The following XCR1 variants were observed in gnomAD, a reference collection of about 807,000 sequenced individuals.
XCR1 encodes X-C motif chemokine receptor 1, also known as chemokine XC receptor 1.
For synonymous variants in XCR1, 187 were observed against 188.5 expected (o/e 0.99, Z 0.06); for missense variants, 356 against 424.2 (o/e 0.84, Z 1.41).
chr3:46,023,324 T>C (rs1198671598), intron 1 of XCR1: 1 of 1,083,192 alleles, frequency 9.2e-7, no homozygotes, highest in Non-Finnish European at 1.4e-6. Context: ...CCCCTCAACC[T>C]GGCTCATCAG....
At chr3:46,057,226 T>C (rs1697869420) in intron 4 of XCR1, among the ~76,000 whole-genome samples, 1 of 152,192 alleles carries the variant, frequency 6.6e-6, no homozygotes, top group Non-Finnish European at 1.5e-5. Context: ...GCTAGCCAAG[T>C]AGCTGGGACC....
chr3:46,028,765 A>AT (rs992705297), upstream of XCR1, among the ~76,000 whole-genome samples: 1 of 151,766 alleles, frequency 6.6e-6, no homozygotes, highest in Non-Finnish European at 1.5e-5. Flanking sequence ...AATTATTTTA[A>AT]TTTTTTTGTA....
intron 5 of XCR1, among the ~76,000 whole-genome samples, chr3:46,036,384 G>T (rs562601662): frequency 6.6e-6 from 1 of 152,330 alleles, no homozygotes; most frequent in East Asian, 1.9e-4. Context: ...GTGTAACCAC[G>T]TAAACCAATG....
chr3:46,073,644 C>A (rs1057267337), intron 3 of XCR1, among the ~76,000 whole-genome samples: 1 of 152,010 alleles, frequency 6.6e-6, no homozygotes, highest in Non-Finnish European at 1.5e-5. Flanking sequence ...AGAGAGCCTG[C>A]AGAATGGGAG....
chr3:46,023,764 G>A (rs775560541), intron 1 of XCR1: 210 of 1,546,618 alleles, frequency 1.4e-4, no homozygotes, highest in Non-Finnish European at 1.9e-4. Context: ...GCCATGTATT[G>A]GAAGCAAAGC....
chr3:46,084,127 C>T (rs1480713167), intron 1 of XCR1, among the ~76,000 whole-genome samples: 1 of 152,110 alleles, frequency 6.6e-6, no homozygotes, highest in African/African-American at 2.4e-5. Context: ...CTCACTTTTG[C>T]CATTCTGTAT....
intron 5 of XCR1, among the ~76,000 whole-genome samples, chr3:46,038,634 C>T (rs1291156416): frequency 6.6e-6 from 1 of 152,106 alleles, no homozygotes; most frequent in South Asian, 2.1e-4. Context: ...TAAACACCAG[C>T]CATTTAACAT....
intron 5 of XCR1, among the ~76,000 whole-genome samples, chr3:46,043,447 C>A (rs1697569989): frequency 1.3e-5 from 2 of 151,956 alleles, no homozygotes; most frequent in Admixed American, 1.3e-4. Context: ...TCTCAAAAAA[C>A]CAAACCAAAC....
At chr3:46,061,051 A>G (rs898338172) in intron 4 of XCR1, among the ~76,000 whole-genome samples, 1 of 152,240 alleles carries the variant, frequency 6.6e-6, no homozygotes, top group Non-Finnish European at 1.5e-5. Context: ...CACAGATGGT[A>G]TTATTACTAT....
At position 46,021,032 on chromosome 3, in the gene XCR1, A is replaced by G. The variant is rs759114975; in HGVS notation, c.916T>C (p.Trp306Arg). The G allele has an allele frequency of 1.2e-6, 2 of 1,613,978 alleles. No homozygotes were observed. The highest frequency in any genetic ancestry group is 1.7e-6 in the Non-Finnish European group (2 of 1,179,890). ...CTGGGTGCCTGCAGCCGGCAGAACC[A>G]GAACTGCCGGAGAACATGTTTCAGG... ...THLKHVLRQF[W>R]FCRLQAPSPA... The change falls in exon 2 of 2, where the codon TGG becomes CGG. Residue 306 changes from tryptophan (W) to arginine (R), a missense_variant. Coordinates refer to ENST00000309285, the MANE Select transcript of XCR1 (RefSeq NM_001024644.2). This position sits in a 1 kb window ranked among gnomAD's most constrained non-coding sequence, Gnocchi z 4.7.
chr3:46,084,170 A>T (rs1235998613), intron 1 of XCR1, among the ~76,000 whole-genome samples: 2 of 152,118 alleles, frequency 1.3e-5, no homozygotes, highest in East Asian at 3.9e-4. Context: ...GGTGCTCTTA[A>T]AATTCCTCAC....
intron 1 of XCR1, among the ~76,000 whole-genome samples, chr3:46,024,991 A>G (rs1334718807): frequency 1.3e-5 from 2 of 151,854 alleles, no homozygotes; most frequent in Admixed American, 1.3e-4. Context: ...TGCATTGATA[A>G]TAATGAAAAT....
upstream of XCR1, among the ~76,000 whole-genome samples, chr3:46,032,123 A>T (rs1708406647): frequency 6.6e-6 from 1 of 152,242 alleles, no homozygotes; most frequent in Non-Finnish European, 1.5e-5. Flanking sequence ...GACCCACCAA[A>T]TGGTGACGCT....
intron 1 of XCR1, among the ~76,000 whole-genome samples, chr3:46,026,422 T>C (rs899568420): frequency 2.0e-5 from 3 of 152,106 alleles, no homozygotes; most frequent in African/African-American, 7.2e-5. Context: ...ATAATTTAGA[T>C]TGAGAAAGAC....
intron 4 of XCR1, among the ~76,000 whole-genome samples, chr3:46,065,675 A>C (rs928401406): frequency 6.6e-6 from 1 of 152,202 alleles, no homozygotes; most frequent in Admixed American, 6.5e-5. Context: ...ACCAAGCTCC[A>C]CTGCTGCCTT....
chr3:46,049,846 A>T (rs1463654280), intron 5 of XCR1, among the ~76,000 whole-genome samples: 1 of 152,222 alleles, frequency 6.6e-6, no homozygotes, highest in African/African-American at 2.4e-5. Context: ...GGTAGTGGTT[A>T]TCTATAGCAC....
intron 1 of XCR1, among the ~76,000 whole-genome samples, chr3:46,082,476 C>CTTTTTTTTTTTT (rs61282576): frequency 1.0e-5 from 1 of 100,036 alleles, no homozygotes; most frequent in African/African-American, 3.8e-5. Flanking sequence ...AATCAGGCTC[C>CTTTTTTTTTTTT]TTTTTTTTTT....
At chr3:46,040,209 A>T (rs559350065) in intron 5 of XCR1, among the ~76,000 whole-genome samples, 1 of 152,102 alleles carries the variant, frequency 6.6e-6, no homozygotes, top group African/African-American at 2.4e-5. Context: ...TAGGAAACGG[A>T]CTCCTCTTTA....
intron 5 of XCR1, among the ~76,000 whole-genome samples, chr3:46,045,608 G>A (rs369896116): frequency 3.3e-5 from 5 of 152,196 alleles, no homozygotes; most frequent in African/African-American, 9.6e-5. Context: ...AGAAATATAT[G>A]AGAACTTCCT....
Sources: gnomAD v4.1 joint callset for allele counts (sites outside exome capture counted in the v4.1 genomes callset) on GRCh38, gnomAD v4.1.1 for gene constraint, Gnocchi (gnomAD v3.1) non-coding constraint, MANE v1.5 for transcripts, NCBI Gene and HGNC (gene_info 2026-07-23, HGNC 2026-07-21) for gene names.